HCN1: variants seen among roughly 807,000 people sequenced by gnomAD.
HCN1 encodes hyperpolarization activated cyclic nucleotide gated potassium channel 1.
A neutral mutation model predicts 78.9 loss-of-function variants in HCN1; 13 were observed. That is an observed-to-expected ratio of 0.16 (90% confidence interval 0.11 to 0.26). The LOEUF is 0.26. Among genes scored for constraint, HCN1 ranks in the 10% least tolerant of loss-of-function variants. HCN1 has a pLI of 1.00. For missense variants in HCN1, 810 were observed against 1,154.3 expected, an observed-to-expected ratio of 0.70 and a Z score of 4.32; for synonymous variants, 552 against 455.5, an observed-to-expected ratio of 1.21 and a Z score of -2.70.
intron 5 of HCN1, 144 bp from the exon 6 acceptor site, chr5:45,303,983 C>A: frequency 1.3e-6 from 1 of 762,796 alleles, no homozygotes. Flanking sequence ...TAATGCGCAT[C>A]ATATTACAGT....
chr5:45,670,754 C>A (rs1006443859), intron 1 of HCN1, among the ~76,000 whole-genome samples: 1 of 151,564 alleles, frequency 6.6e-6, no homozygotes, highest in African/African-American at 2.4e-5. Context: ...ATCCTTCTTT[C>A]AATGCATATT....
intron 2 of HCN1, among the ~76,000 whole-genome samples, chr5:45,472,330 G>A (rs1253927720): frequency 2.0e-5 from 3 of 151,754 alleles, no homozygotes; most frequent in Admixed American, 6.6e-5. Context: ...ACTCCAATAG[G>A]GGCTTGCCCT....
intron 1 of HCN1, among the ~76,000 whole-genome samples, chr5:45,670,471 T>C (rs1024726827): frequency 6.6e-6 from 1 of 151,720 alleles, no homozygotes; most frequent in Non-Finnish European, 1.5e-5. Context: ...CCTTAAGGGA[T>C]GTAGGCATTT....
chr5:45,544,400 A>G lies in HCN1; in HGVS notation c.850-82393T>C, dbSNP rs2625497. 6.8e-3 allele frequency among the ~76,000 whole-genome samples: 1,031 copies of G among 152,166 alleles called. 7 individuals carry two copies. The highest frequency in any genetic ancestry group is 0.024 in the African/African-American group (987 of 41,548). On this transcript the variant is annotated intron_variant, in intron 2 of 7. Coordinates refer to ENST00000303230, the MANE Select transcript of HCN1 (RefSeq NM_021072.4). ...GGTTTTCTACTTGTTCGTATTTAGAAAATCACCAGTTACCTCCTATTTGAC... is the reference window on the plus strand; with the variant it reads ...GGTTTTCTACTTGTTCGTATTTAGAGAATCACCAGTTACCTCCTATTTGAC...
intron 3 of HCN1, among the ~76,000 whole-genome samples, chr5:45,454,255 T>C (rs1232167007): frequency 1.3e-5 from 2 of 152,136 alleles, no homozygotes; most frequent in African/African-American, 4.8e-5. Context: ...ACACAGTATG[T>C]GAACCCTTTC....
chr5:45,599,931 C>T (rs900680542), intron 2 of HCN1, among the ~76,000 whole-genome samples: 7 of 151,934 alleles, frequency 4.6e-5, no homozygotes, highest in African/African-American at 1.7e-4. Flanking sequence ...CTCATCAAGA[C>T]CACACAGAGA....
intron 3 of HCN1, among the ~76,000 whole-genome samples, chr5:45,433,947 A>G (rs1740514076): frequency 3.3e-5 from 5 of 152,190 alleles, no homozygotes; most frequent in Admixed American, 2.6e-4. Flanking sequence ...TAGTTGGTTT[A>G]TCCTTAAACT....
At chr5:45,682,708 G>A (rs891261641) in intron 1 of HCN1, among the ~76,000 whole-genome samples, 15 of 151,612 alleles carry the variant, frequency 9.9e-5, no homozygotes, top group African/African-American at 3.1e-4. Flanking sequence ...AACAATACTC[G>A]AAGTAAAGAA....
At chr5:45,523,854 CTTTAG>C (rs1451124949) in intron 2 of HCN1, among the ~76,000 whole-genome samples, 2 of 152,108 alleles carry the variant, frequency 1.3e-5, no homozygotes, top group African/African-American at 4.8e-5. Flanking sequence ...TGCAGAAGCT[CTTTAG>C]TTTAATTAGA....
chr5:45,481,829 T>TTC, intron 2 of HCN1, among the ~76,000 whole-genome samples: 1 of 152,274 alleles, frequency 6.6e-6, no homozygotes, highest in Non-Finnish European at 1.5e-5. Flanking sequence ...CAGGTATGAA[T>TTC]TTACCTTTGT....
chr5:45,331,931 A>G (rs966665243), intron 5 of HCN1, among the ~76,000 whole-genome samples: 1 of 151,542 alleles, frequency 6.6e-6, no homozygotes, highest in African/African-American at 2.4e-5. Flanking sequence ...ATGATATTAG[A>G]TATCTTAATA....
intron 2 of HCN1, among the ~76,000 whole-genome samples, chr5:45,548,911 A>G (rs2111848823): frequency 6.6e-6 from 1 of 151,736 alleles, no homozygotes; most frequent in Admixed American, 6.6e-5. Context: ...TTCAAAGAGA[A>G]TAAAATACCT....
intron 5 of HCN1, among the ~76,000 whole-genome samples, chr5:45,312,556 A>G (rs1745872864): frequency 6.6e-6 from 1 of 152,186 alleles, no homozygotes; most frequent in Admixed American, 6.5e-5. Flanking sequence ...CATGAACTGA[A>G]GCAGGGCGAG....
chr5:45,398,301 T>G (rs1475642479), intron 3 of HCN1, among the ~76,000 whole-genome samples: 1 of 152,104 alleles, frequency 6.6e-6, no homozygotes, highest in Non-Finnish European at 1.5e-5. Context: ...TAGAGAGAGA[T>G]TCTATGTACT....
intron 5 of HCN1, among the ~76,000 whole-genome samples, chr5:45,335,691 A>G (rs1235109465): frequency 6.6e-6 from 1 of 152,126 alleles, no homozygotes; most frequent in Admixed American, 6.6e-5. Context: ...ACTGCATTGT[A>G]GTAACATTAA....
At chr5:45,653,162 CA>C (rs980109438) in intron 1 of HCN1, among the ~76,000 whole-genome samples, 4 of 151,984 alleles carry the variant, frequency 2.6e-5, no homozygotes, top group Non-Finnish European at 5.9e-5. Context: ...TCCCCCACCC[CA>C]AAATGACAAC....
chr5:45,438,704 T>C (rs1740613876), intron 3 of HCN1, among the ~76,000 whole-genome samples: 1 of 152,180 alleles, frequency 6.6e-6, no homozygotes, highest in Non-Finnish European at 1.5e-5. Context: ...TATTAACTAC[T>C]CAGAACTCCA....
chr5:45,606,610 G>A (rs1210840452), intron 2 of HCN1, among the ~76,000 whole-genome samples: 4 of 151,720 alleles, frequency 2.6e-5, no homozygotes, highest in East Asian at 1.9e-4. Flanking sequence ...CACATAAACC[G>A]GATTAAAACC....
chr5:45,371,850 T>C (rs1167638822), intron 4 of HCN1, among the ~76,000 whole-genome samples: 1 of 126,340 alleles, frequency 7.9e-6, no homozygotes. Flanking sequence ...ATATAAAATA[T>C]ATATAATATA....
Sources: gnomAD v4.1 joint callset for allele counts (sites outside exome capture counted in the v4.1 genomes callset) on GRCh38, gnomAD v4.1.1 for gene constraint, MANE v1.5 for transcripts, NCBI Gene and HGNC (gene_info 2026-07-23, HGNC 2026-07-21) for gene names.